Variants in CCDC171 observed in about 807,000 individuals in gnomAD.
CCDC171 encodes the protein coiled-coil domain containing 171, also known as coiled-coil domain-containing protein 171.
Under a neutral mutation model 168.2 loss-of-function variants are expected in CCDC171, and 177 were observed. The observed-to-expected ratio is 1.05, with a 90% CI of 0.93 to 1.19. The LOEUF (loss-of-function observed/expected upper bound fraction) is 1.19. Ranked by LOEUF, CCDC171 falls within the 50% of genes most tolerant of loss-of-function variation. CCDC171 has a pLI of 0.00. For synonymous variants in CCDC171, 687 were observed against 540.8 expected (o/e 1.27, Z -3.75); for missense variants, 1,991 against 1,539.0 (o/e 1.29, Z -4.91).
intron 25 of CCDC171, among the ~76,000 whole-genome samples, chr9:15,953,878 T>TA (rs1425355524): frequency 1.3e-5 from 2 of 152,084 alleles, no homozygotes; most frequent in Non-Finnish European, 2.9e-5. Context: ...TCCTTTTTTT[T>TA]AACTAATTTG....
intron 6 of CCDC171, among the ~76,000 whole-genome samples, chr9:16,023,106 T>A (rs1833206812): frequency 6.6e-6 from 1 of 152,122 alleles, no homozygotes; most frequent in African/African-American, 2.4e-5. Context: ...TATTCTTTTT[T>A]TTTTTTAAAT....
intron 16 of CCDC171, among the ~76,000 whole-genome samples, chr9:15,739,740 A>ATT (rs3082820): frequency 0.36 from 52,579 of 146,116 alleles, 11,594 homozygotes; most frequent in East Asian, 0.64. Flanking sequence ...TGTAATACCA[A>ATT]TTTTTTTTTT....
intron 9 of CCDC171, among the ~76,000 whole-genome samples, chr9:15,667,470 AC>A (rs1407874878): frequency 6.6e-6 from 1 of 151,950 alleles, no homozygotes; most frequent in Non-Finnish European, 1.5e-5. Context: ...ACATGGTGAA[AC>A]CCTGTCTCTA....
At chr9:15,896,085 T>C (rs980730096) in intron 24 of CCDC171, among the ~76,000 whole-genome samples, 32 of 152,132 alleles carry the variant, frequency 2.1e-4, no homozygotes, top group African/African-American at 7.7e-4. Context: ...TCTATGTAAT[T>C]GTCCCTTTGC....
chr9:15,905,335 G>C (rs1259356521), intron 24 of CCDC171, among the ~76,000 whole-genome samples: 1 of 152,154 alleles, frequency 6.6e-6, no homozygotes, highest in Non-Finnish European at 1.5e-5. Flanking sequence ...TCAGACCACA[G>C]TGCAATCAAA....
chr9:15,856,460 C>T (rs2061352765), intron 23 of CCDC171, among the ~76,000 whole-genome samples: 1 of 151,982 alleles, frequency 6.6e-6, no homozygotes, highest in Admixed American at 6.6e-5. Flanking sequence ...GTTTATTTCA[C>T]TTAGTATAAT....
At chr9:15,569,916 T>C (rs2040083688) in intron 2 of CCDC171, among the ~76,000 whole-genome samples, 1 of 152,170 alleles carries the variant, frequency 6.6e-6, no homozygotes. Context: ...TTTTCTTTTA[T>C]TTTTATTTGT....
At chr9:15,689,891 A>G (rs946596887) in intron 10 of CCDC171, among the ~76,000 whole-genome samples, 8 of 152,192 alleles carry the variant, frequency 5.3e-5, no homozygotes, top group Non-Finnish European at 1.0e-4. Flanking sequence ...CTAGAAAAAA[A>G]TCCTTCATGA....
chr9:15,733,672 A>AT (rs2134396297), intron 16 of CCDC171, among the ~76,000 whole-genome samples: 1 of 151,316 alleles, frequency 6.6e-6, no homozygotes, highest in African/African-American at 2.4e-5. Flanking sequence ...TACTGATTTA[A>AT]CCTTTTACTA....
intron 25 of CCDC171, among the ~76,000 whole-genome samples, chr9:15,941,018 G>A (rs1165657402): frequency 6.6e-6 from 1 of 151,914 alleles, no homozygotes; most frequent in Non-Finnish European, 1.5e-5. Context: ...TACTAAACAA[G>A]TGTTTTCTCA....
intron 7 of CCDC171, among the ~76,000 whole-genome samples, chr9:15,648,024 C>T (rs2047189684): frequency 6.6e-6 from 1 of 152,174 alleles, no homozygotes. Context: ...CCGAATCCAG[C>T]AGCACATCGA....
intron 18 of CCDC171, among the ~76,000 whole-genome samples, chr9:15,770,104 C>T (rs566797824): frequency 6.6e-5 from 10 of 152,204 alleles, no homozygotes; most frequent in East Asian, 3.9e-4. Context: ...TGTTGTAAAA[C>T]GAACTATCGA....
Position 15,656,539 on chromosome 9 carries a change from A to G in CCDC171, c.823-588A>G, listed in dbSNP as rs138055653. Among the ~76,000 whole-genome samples, 164 of 152,350 alleles carry G rather than the reference A, an allele frequency of 1.1e-3. 1 individual carries two copies. Among genetic ancestry groups the G allele is most frequent in the African/African-American group, 3.6e-3 (151 of 41,580 alleles). On this transcript the variant is annotated intron_variant, in intron 7 of 25. Transcript: ENST00000380701. ...AATTGTGGTCTATTAATAAAGTGGA[A>G]CACTATTTAACAGTGAAAATGAATG...
intron 25 of CCDC171, among the ~76,000 whole-genome samples, chr9:15,957,399 A>G (rs1311550563): frequency 1.3e-5 from 2 of 152,182 alleles, no homozygotes; most frequent in Non-Finnish European, 2.9e-5. Flanking sequence ...GAACACAGTT[A>G]GGAAGCTGAA....
intron 21 of CCDC171, among the ~76,000 whole-genome samples, chr9:15,820,178 C>G (rs1324386598): frequency 8.5e-6 from 1 of 117,398 alleles, no homozygotes; most frequent in Admixed American, 8.1e-5. Context: ...ATCTCTGGGA[C>G]ACATTCAAAG....
rs545718778 is a variant in CCDC171 at position 15,652,988 on chromosome 9, G to T, written c.823-4139G>T. On this transcript the variant is annotated intron_variant, in intron 7 of 25. Coordinates refer to ENST00000380701, the MANE Select transcript of CCDC171 (RefSeq NM_173550.4). ...AGAAGGGTGGGAAAAAAGTGACTAT[G>T]TGGGGAATATTTTCTTTGCCTTATC... 1.1e-4 allele frequency among the ~76,000 whole-genome samples: 16 copies of T among 152,262 alleles called. No homozygotes were observed. The South Asian group carries it at 3.3e-3, about 32-fold the overall frequency.
intron 8 of CCDC171, among the ~76,000 whole-genome samples, chr9:15,661,152 C>T (rs1360588490): frequency 4.6e-5 from 7 of 151,834 alleles, no homozygotes; most frequent in Non-Finnish European, 1.0e-4. Context: ...TCGTGGCGGG[C>T]GCCTGTAGTC....
At chr9:15,568,432 G>A (rs2039933965) in intron 2 of CCDC171, among the ~76,000 whole-genome samples, 1 of 121,568 alleles carries the variant, frequency 8.2e-6, no homozygotes, top group African/African-American at 2.6e-5. Flanking sequence ...CACCACGCCT[G>A]GAGAATTTTT....
At chr9:16,087,491 C>G in the CCDC171 span, among the ~76,000 whole-genome samples, 5 of 144,494 alleles carry the variant, frequency 3.5e-5, no homozygotes, top group Non-Finnish European at 6.1e-5. Context: ...TAATGCCCTT[C>G]TTTGTCTTTT....
Sources: gnomAD v4.1 joint callset for allele counts (sites outside exome capture counted in the v4.1 genomes callset) on GRCh38, gnomAD v4.1.1 for gene constraint, MANE v1.5 for transcripts, NCBI Gene and HGNC (gene_info 2026-07-23, HGNC 2026-07-21) for gene names.